Variants in ENTREP2 observed in about 807,000 individuals in gnomAD.
ENTREP2 encodes the protein protein ENTREP2.
chr15:29,381,788 G>A, the ENTREP2 span: 10 of 1,551,536 alleles, frequency 6.4e-6, no homozygotes, highest in Non-Finnish European at 1.7e-6. Context: ...AAGGGAGAGA[G>A]GCCTCTTCCA....
the ENTREP2 span, among the ~76,000 whole-genome samples, chr15:29,493,375 C>T: frequency 2.6e-4 from 39 of 151,472 alleles, 1 homozygote; most frequent in Admixed American, 2.0e-3. Flanking sequence ...CCTCGTGATC[C>T]GCCCGCCTCG....
chr15:29,646,874 C>T, the ENTREP2 span, among the ~76,000 whole-genome samples: 7 of 152,280 alleles, frequency 4.6e-5, no homozygotes, highest in Admixed American at 1.3e-4. Context: ...TGCAATAAAA[C>T]AATCACTCAC....
the ENTREP2 span, chr15:29,269,654 C>T: frequency 6.4e-7 from 1 of 1,568,474 alleles, no homozygotes; most frequent in Non-Finnish European, 8.6e-7. Flanking sequence ...CAGTCTCTGT[C>T]CCTCTCGGCC....
the ENTREP2 span, among the ~76,000 whole-genome samples, chr15:29,660,915 C>T: frequency 1.3e-5 from 2 of 152,196 alleles, no homozygotes; most frequent in African/African-American, 4.8e-5. Flanking sequence ...AGAAGGCCAA[C>T]TGCAAGATTT....
the ENTREP2 span, among the ~76,000 whole-genome samples, chr15:29,480,347 A>AAAAC: frequency 1.4e-5 from 2 of 141,290 alleles, no homozygotes; most frequent in Admixed American, 1.4e-4. Flanking sequence ...GCAAAAAAAA[A>AAAAC]AAAAAAAAAA....
the ENTREP2 span, among the ~76,000 whole-genome samples, chr15:29,639,768 CTTTT>C: frequency 7.9e-6 from 1 of 127,302 alleles, no homozygotes; most frequent in African/African-American, 3.0e-5. Context: ...TTTTTGTTTG[CTTTT>C]TTTTTTTTTT....
chr15:29,351,223 T>C, the ENTREP2 span, among the ~76,000 whole-genome samples: 2 of 152,200 alleles, frequency 1.3e-5, no homozygotes, highest in Non-Finnish European at 2.9e-5. Context: ...CTAAACACTG[T>C]AGGCAACTGT....
At chr15:29,296,050 G>A in the ENTREP2 span, among the ~76,000 whole-genome samples, 96 of 152,316 alleles carry the variant, frequency 6.3e-4, 2 homozygotes, top group East Asian at 0.016. Context: ...TGAGCAAGGA[G>A]GAATTCTGCC....
At chr15:29,123,880 G>C in the ENTREP2 span, among the ~76,000 whole-genome samples, 1 of 152,102 alleles carries the variant, frequency 6.6e-6, no homozygotes, top group Non-Finnish European at 1.5e-5. Context: ...CGAAGGCCTG[G>C]GGGGAAGGGC....
chr15:29,136,157 G>A, the ENTREP2 span, among the ~76,000 whole-genome samples: 1 of 152,236 alleles, frequency 6.6e-6, no homozygotes, highest in Non-Finnish European at 1.5e-5. Context: ...CTACAGCACA[G>A]GGCTGATAAG....
the ENTREP2 span, among the ~76,000 whole-genome samples, chr15:29,170,307 C>CAAAAAAAAAAAAAAAAAAAAAAAAAA: frequency 1.7e-5 from 1 of 57,370 alleles, no homozygotes; most frequent in Admixed American, 2.4e-4. Context: ...GACTCCATCT[C>CAAAAAAAAAAAAAAAAAAAAAAAAAA]AAAAAAAAAA....
the ENTREP2 span, among the ~76,000 whole-genome samples, chr15:29,390,683 C>G: frequency 6.6e-6 from 1 of 152,160 alleles, no homozygotes; most frequent in Non-Finnish European, 1.5e-5. Context: ...TGGTACCCTG[C>G]CTGGACACAG....
At chr15:29,604,878 G>A in the ENTREP2 span, among the ~76,000 whole-genome samples, 14 of 152,278 alleles carry the variant, frequency 9.2e-5, no homozygotes, top group African/African-American at 3.4e-4. Flanking sequence ...AGCCCTTACC[G>A]GCATCACGAG....
the ENTREP2 span, among the ~76,000 whole-genome samples, chr15:29,671,994 T>C: frequency 6.6e-6 from 1 of 152,150 alleles, no homozygotes; most frequent in South Asian, 2.1e-4. Context: ...TCTTTTTTTG[T>C]TTGTTTGTTT....
chr15:29,479,073 G>A, the ENTREP2 span, among the ~76,000 whole-genome samples: 1 of 150,460 alleles, frequency 6.6e-6, no homozygotes, highest in Non-Finnish European at 1.5e-5. Context: ...CGGGCGTGGT[G>A]GCGGGCGCCT....
At chr15:29,345,014 T>C in the ENTREP2 span, among the ~76,000 whole-genome samples, 1 of 149,360 alleles carries the variant, frequency 6.7e-6, no homozygotes, top group Non-Finnish European at 1.5e-5. Context: ...TTTCTGGAGG[T>C]TGTTTCCCTT....
chr15:29,507,975 GAA>G, the ENTREP2 span, among the ~76,000 whole-genome samples: 1 of 151,928 alleles, frequency 6.6e-6, no homozygotes, highest in Non-Finnish European at 1.5e-5. Flanking sequence ...CAGATTTTTT[GAA>G]AAGATTAATA....
At chr15:29,602,032 C>T in the ENTREP2 span, among the ~76,000 whole-genome samples, 1 of 152,198 alleles carries the variant, frequency 6.6e-6, no homozygotes, top group Admixed American at 6.5e-5. Context: ...GCCATGGTAA[C>T]TGTAATTTGA....
the ENTREP2 span, among the ~76,000 whole-genome samples, chr15:29,607,123 G>A: frequency 2.3e-4 from 35 of 152,256 alleles, no homozygotes; most frequent in African/African-American, 7.0e-4. Context: ...ATGAGCCACC[G>A]CATTCACATT....
Sources: allele counts gnomAD v4.1 joint callset (sites outside exome capture counted in the v4.1 genomes callset), GRCh38; gene constraint gnomAD v4.1.1; transcripts MANE v1.5; gene names NCBI Gene and HGNC (gene_info 2026-07-23, HGNC 2026-07-21).